Variants in BRD7 observed in about 807,000 individuals in gnomAD.
BRD7 encodes the protein bromodomain containing 7, also known as bromodomain-containing protein 7.
Under a neutral mutation model 82.1 loss-of-function variants are expected in BRD7, and 15 were observed. That is an observed-to-expected ratio of 0.18 (90% CI 0.12 to 0.28). The LOEUF (loss-of-function observed/expected upper bound fraction) is 0.28. Ranked by LOEUF, BRD7 falls within the 10% of genes least tolerant of loss-of-function variation. The pLI is 1.00. For synonymous variants in BRD7, 232 were observed against 266.9 expected (o/e 0.87, Z 1.27); for missense variants, 638 against 779.9 (o/e 0.82, Z 2.17).
rs746626651 is a variant in BRD7, at chr16:50,320,383, T to G, written c.1621A>C (p.Ile541Leu). 1 of 1,613,340 alleles carries G rather than the reference T, an allele frequency of 6.2e-7. No homozygotes were observed. The highest frequency in any genetic ancestry group is 1.3e-5 in the African/African-American group (1 of 74,970). Residue 541 changes from isoleucine to leucine, a missense_variant, in exon 15 of 17, where the codon ATA (isoleucine) becomes CTA (leucine). Coordinates refer to ENST00000394688, the MANE Select transcript of BRD7 (RefSeq NM_013263.5). ...GTCTCATCAAGTTTCTTCTGGAATA[T>G]TTCAGCTTCTGTGTGGTAAGAAAAC... ...VEVFDSEEAE[I>L]FQKKLDETTR...
chr16:50,325,903 C>T lies in BRD7; in HGVS notation c.1196-20G>A. 2.5e-6 allele frequency: 4 copies of T among 1,570,370 alleles called. No individual in the cohort carries two copies. Among genetic ancestry groups the T allele is most frequent in the South Asian group, 1.2e-5 (1 of 84,034 alleles). ...ATAACACTGTTGAAAAAATCAAATA[C>T]TGTAACACTATTCTTTAACTTGCAT... On this transcript the variant is annotated intron_variant, in intron 10 of 16. Coordinates refer to ENST00000394688, the MANE Select transcript of BRD7 (RefSeq NM_013263.5).
At position 50,354,820 on chromosome 16, in the gene BRD7, G is replaced by C; in HGVS notation, c.361C>G (p.Leu121Val). 1 of 1,612,228 alleles carries C rather than the reference G, an allele frequency of 6.2e-7. No individual in the cohort carries two copies. Among genetic ancestry groups the C allele is most frequent in the Non-Finnish European group, 8.5e-7 (1 of 1,179,896 alleles). ...VRLDLPPEKP[L>V]TSSLAKQEEV... is the part of the protein sequence containing the mutation. ...TCTTGTTTGGCTAAAGAGCTTGTGA[G>C]AGGCTTCTCAGGAGGCAAGTCTAAT... The change falls in exon 3 of 17, where the codon CTC becomes GTC. Residue 121 changes from leucine (L) to valine (V), a missense_variant. By Grantham distance (32) the Leu-to-Val change is conservative. This residue lies in a region of BRD7 where 172 missense variants were observed against 155.3 expected (regional missense o/e 1.11). Coordinates refer to ENST00000394688, the MANE Select transcript of BRD7 (RefSeq NM_013263.5).
intron 2 of BRD7, among the ~76,000 whole-genome samples, chr16:50,366,979 C>T (rs1168657720): frequency 6.6e-6 from 1 of 152,116 alleles, no homozygotes; most frequent in Admixed American, 6.5e-5. Flanking sequence ...ATTACTCCTA[C>T]CTAGCCAAAG....
chr16:50,354,555 T>C, intron 3 of BRD7, 73 bp from the exon 4 acceptor site: 6 of 1,314,998 alleles, frequency 4.6e-6, no homozygotes, highest in Middle Eastern at 5.4e-4. Context: ...CTAGATCATT[T>C]TCTACAACCA....
chr16:50,349,941 T>G, intron 5 of BRD7, 82 bp downstream of exon 5: 2 of 1,263,722 alleles, frequency 1.6e-6, no homozygotes, highest in Non-Finnish European at 2.1e-6. Context: ...CTTTGCAAAA[T>G]AAAAGGTCAA....
chr16:50,354,498 A>C lies in BRD7; in HGVS notation c.389-16T>G, dbSNP rs774910471. 6.2e-7 allele frequency: 1 copy of C among 1,602,806 alleles called. No homozygotes were observed. Among genetic ancestry groups the C allele is most frequent in the Middle Eastern group, 2.2e-4 (1 of 4,594 alleles). ...TGTTCTACTTCTAAAGCAAAGAAGA[A>C]GGGAAAAGGGTATTTTAAAAAGGAG... is the stretch of plus-strand genomic sequence containing the variant. On this transcript the variant is annotated splice_polypyrimidine_tract_variant and intron_variant, in intron 3 of 16. Transcript: ENST00000394688.
chr16:50,357,624 G>GA (rs1435983340), intron 2 of BRD7, among the ~76,000 whole-genome samples: 2 of 152,094 alleles, frequency 1.3e-5, no homozygotes. Context: ...CTCCCAGGTA[G>GA]AAAAAACTCA....
intron 2 of BRD7, among the ~76,000 whole-genome samples, chr16:50,356,172 G>T (rs185993704): frequency 4.6e-5 from 7 of 152,318 alleles, no homozygotes; most frequent in Admixed American, 2.6e-4. Context: ...AAAATGTAGA[G>T]AAATGGGATT....
chr16:50,327,137 G>T (rs1198109360), intron 9 of BRD7, among the ~76,000 whole-genome samples: 2 of 152,188 alleles, frequency 1.3e-5, no homozygotes, highest in African/African-American at 4.8e-5. Flanking sequence ...TCTGGAATTT[G>T]GTTTCCTAAT....
intron 13 of BRD7, 99 bp downstream of exon 13, chr16:50,321,883 T>C: frequency 1.8e-6 from 2 of 1,132,830 alleles, no homozygotes; most frequent in Non-Finnish European, 2.6e-6. Flanking sequence ...TCACTAACCT[T>C]TTTCCTTCTT....
intron 1 of BRD7, 166 bp downstream of exon 1, chr16:50,368,560 G>A (rs1266576256): frequency 1.3e-5 from 10 of 758,774 alleles, no homozygotes; most frequent in African/African-American, 3.8e-5. Flanking sequence ...CGAATGCCGC[G>A]GCCGCACGGG....
At chr16:50,356,709 T>G (rs1250276369) in intron 2 of BRD7, among the ~76,000 whole-genome samples, 2 of 123,442 alleles carry the variant, frequency 1.6e-5, no homozygotes, top group Non-Finnish European at 3.5e-5. Flanking sequence ...CTTCTTTCCT[T>G]AGGGGAAAAA....
Position 50,318,196 on chromosome 16 carries a change from C to CA in BRD7, c.*1014dup, listed in dbSNP as rs970490457. On this transcript the variant is annotated 3_prime_UTR_variant, in exon 17 of 17. Transcript: ENST00000394688. ...ACTCACTAGAGATTAAAAGTAGACTCAAACAACTTGAAAATTTGACTCTTT... is the reference window on the plus strand; with the variant it reads ...ACTCACTAGAGATTAAAAGTAGACTCAAAACAACTTGAAAATTTGACTCTTT... 23 of 152,154 alleles carry CA rather than the reference C, an allele frequency of 1.5e-4. No individual in the cohort carries two copies. The highest frequency in any genetic ancestry group is 1.5e-3 in the Admixed American group (23 of 15,266). 9.4% of individuals were successfully genotyped at this position (152,154 alleles called of 1,614,324 possible).
chr16:50,331,751 C>T (rs2037574989), intron 8 of BRD7, among the ~76,000 whole-genome samples: 1 of 152,118 alleles, frequency 6.6e-6, no homozygotes, highest in African/African-American at 2.4e-5. Flanking sequence ...TACAAGGCTA[C>T]AATAACCAAA....
chr16:50,317,124 G>A lies in BRD7; in HGVS notation c.*2087C>T, dbSNP rs781324678. ...CTGTGTCGTGTGGCTTTATCAGCCC[G>A]AGGAAGGGCAGGTGTATTCTAATTT... On this transcript the variant is annotated 3_prime_UTR_variant, in exon 17 of 17. Coordinates refer to ENST00000394688, the MANE Select transcript of BRD7 (RefSeq NM_013263.5). 6.5e-6 allele frequency: 1 copy of A among 152,814 alleles called. No individual in the cohort carries two copies. Among genetic ancestry groups the A allele is most frequent in the African/African-American group, 2.4e-5 (1 of 41,452 alleles). The allele number at this position is 152,814 out of a possible 1,614,324, so 9.5% of individuals were successfully genotyped here.
intron 6 of BRD7, among the ~76,000 whole-genome samples, chr16:50,336,036 ACCATTACATAAC>A (rs1183854600): frequency 6.6e-6 from 1 of 152,216 alleles, no homozygotes; most frequent in East Asian, 1.9e-4. Context: ...TACTTTTCCA[ACCATTACATAAC>A]CCAGCAAATT....
In BRD7 at chr16:50,316,807, C is replaced by T. The variant is rs1567589425; in HGVS notation, c.*2404G>A. 5 of 152,318 alleles carry T rather than the reference C, an allele frequency of 3.3e-5. No individual in the cohort carries two copies. Among genetic ancestry groups the T allele is most frequent in the South Asian group, 4.1e-4 (2 of 4,830 alleles). The allele number at this position is 152,318 out of a possible 1,614,324, so 9.4% of individuals were successfully genotyped here. A position where few individuals can be genotyped will look rare whatever the true frequency, so the allele number is the denominator to read the frequency against. On this transcript the variant is annotated 3_prime_UTR_variant, in exon 17 of 17. Transcript: ENST00000394688. ...ACTTTTTCTGAATGGACTTCATAAC[C>T]GGAAGACTTAACCGGTGGCCTCATC...
chr16:50,352,416 C>T (rs1194230469), intron 4 of BRD7, among the ~76,000 whole-genome samples: 1 of 152,178 alleles, frequency 6.6e-6, no homozygotes, highest in African/African-American at 2.4e-5. Flanking sequence ...ATTGTGTATA[C>T]ATACCACATT....
intron 2 of BRD7, among the ~76,000 whole-genome samples, chr16:50,355,449 C>G (rs1256103129): frequency 2.0e-5 from 3 of 152,178 alleles, no homozygotes; most frequent in Non-Finnish European, 4.4e-5. Context: ...TAAGATGATA[C>G]GTCTTACCAG....
Sources: gnomAD v4.1 joint callset for allele counts (sites outside exome capture counted in the v4.1 genomes callset) on GRCh38, gnomAD v4.1.1 for gene constraint, gnomAD v4.1.1 regional missense constraint, MANE v1.5 for transcripts, NCBI Gene and HGNC (gene_info 2026-07-23, HGNC 2026-07-21) for gene names.